The following FAM162A variants were observed in gnomAD, a reference collection of about 807,000 sequenced individuals.
FAM162A encodes the protein protein FAM162A.
FAM162A carries 23 observed loss-of-function variants against 21.8 expected under a neutral mutation model. The observed-to-expected ratio is 1.05, with a 90% confidence interval of 0.76 to 1.49. FAM162A has a LOEUF of 1.49. FAM162A is among the 40% of genes most tolerant of loss of function. FAM162A has a pLI of 0.00. For missense variants in FAM162A, 165 were observed against 186.4 expected, an observed-to-expected ratio of 0.89 and a Z score of 0.67; for synonymous variants, 53 against 61.3, an observed-to-expected ratio of 0.86 and a Z score of 0.64.
At chr3:122,393,820 A>G (rs2107696886) in intron 1 of FAM162A, among the ~76,000 whole-genome samples, 1 of 152,252 alleles carries the variant, frequency 6.6e-6, no homozygotes, top group South Asian at 2.1e-4. Flanking sequence ...GGTTGGACAC[A>G]TTTTCCAGGA....
At chr3:122,389,165 A>G (rs1169234105) in intron 1 of FAM162A, among the ~76,000 whole-genome samples, 2 of 152,172 alleles carry the variant, frequency 1.3e-5, no homozygotes, top group Admixed American at 1.3e-4. Flanking sequence ...TGGGTGGTGA[A>G]GTGAAGTAGT....
chr3:122,406,330 T>G (rs1373714086), intron 3 of FAM162A, among the ~76,000 whole-genome samples: 1 of 152,206 alleles, frequency 6.6e-6, no homozygotes, highest in East Asian at 1.9e-4. Context: ...CTCAGGAGGC[T>G]GAGGCAGGAG....
intron 4 of FAM162A, among the ~76,000 whole-genome samples, chr3:122,409,056 A>T (rs1279659006): frequency 6.8e-6 from 1 of 147,020 alleles, no homozygotes; most frequent in Non-Finnish European, 1.5e-5. Flanking sequence ...TTTACATATG[A>T]AATTACACAG....
chr3:122,389,135 CATT>C (rs535111476), intron 1 of FAM162A, among the ~76,000 whole-genome samples: 35 of 151,940 alleles, frequency 2.3e-4, no homozygotes, highest in African/African-American at 7.5e-4. Context: ...GAGAAGGAAA[CATT>C]GTAGCAAAAT....
At chr3:122,394,931 T>A (rs1415648925) in intron 1 of FAM162A, among the ~76,000 whole-genome samples, 1 of 152,102 alleles carries the variant, frequency 6.6e-6, no homozygotes, top group Non-Finnish European at 1.5e-5. Flanking sequence ...AATTATAGAC[T>A]GATCAAGTGG....
chr3:122,394,819 C>A (rs73188327), intron 1 of FAM162A, among the ~76,000 whole-genome samples: 4 of 151,768 alleles, frequency 2.6e-5, no homozygotes, highest in African/African-American at 9.7e-5. Flanking sequence ...CAAACCCCTC[C>A]CAAAAAAATC....
At chr3:122,387,742 C>A (rs1404605345) in intron 1 of FAM162A, among the ~76,000 whole-genome samples, 2 of 152,120 alleles carry the variant, frequency 1.3e-5, no homozygotes, top group Non-Finnish European at 2.9e-5. Context: ...TGTGAAGGCT[C>A]TAAAATGAAT....
At chr3:122,407,441 T>C in intron 4 of FAM162A, 52 bp downstream of exon 4, 1 of 1,409,492 alleles carries the variant, frequency 7.1e-7, no homozygotes, top group East Asian at 2.3e-5. Context: ...ACCAAGAACC[T>C]AGAGTAAATC....
chr3:122,407,794 G>A (rs1015977332), intron 4 of FAM162A: 2 of 217,132 alleles, frequency 9.2e-6, no homozygotes, highest in Non-Finnish European at 1.8e-5. Context: ...TCTTAGCGGG[G>A]TTCTTTATTT....
chr3:122,389,390 GATAGATAGATA>G (rs2075589300), intron 1 of FAM162A, among the ~76,000 whole-genome samples: 1 of 47,086 alleles, frequency 2.1e-5, no homozygotes, highest in African/African-American at 7.0e-5. Context: ...TGGATAGATA[GATAGATAGATA>G]GATAGATAGA....
At chr3:122,397,087 T>C (rs138597171) in intron 1 of FAM162A, among the ~76,000 whole-genome samples, 59 of 152,236 alleles carry the variant, frequency 3.9e-4, no homozygotes, top group African/African-American at 1.3e-3. Flanking sequence ...TAAAAGTGAG[T>C]TTTATGGTAG....
At chr3:122,408,602 T>G (rs1344273530) in intron 4 of FAM162A, among the ~76,000 whole-genome samples, 1 of 152,212 alleles carries the variant, frequency 6.6e-6, no homozygotes, top group Non-Finnish European at 1.5e-5. Context: ...GAAGTTCTCT[T>G]GAAAACTCTG....
At chr3:122,396,418 T>G (rs1460001227) in intron 1 of FAM162A, among the ~76,000 whole-genome samples, 1 of 152,100 alleles carries the variant, frequency 6.6e-6, no homozygotes, top group African/African-American at 2.4e-5. Flanking sequence ...TATTACTCAT[T>G]AGATAAATGT....
Position 122,410,019 on chromosome 3 carries a change from T to C in FAM162A, c.*188T>C. 1.6e-6 allele frequency: 1 copy of C among 639,474 alleles called. No individual in the cohort carries two copies. Among genetic ancestry groups the C allele is most frequent in the Non-Finnish European group, 2.8e-6 (1 of 353,782 alleles). 39.6% of individuals were successfully genotyped at this position (639,474 alleles called of 1,614,324 possible). A position where few individuals can be genotyped will look rare whatever the true frequency, so the allele number is the denominator to read the frequency against. On this transcript the variant is annotated 3_prime_UTR_variant, in exon 5 of 5. Transcript: ENST00000477892. ...AAATAATGACTGTGTTTTATTGTTT[T>C]GATCCAAGTCAAGTGTAGCCTCTCA...
chr3:122,408,431 C>G (rs554493597), intron 4 of FAM162A, among the ~76,000 whole-genome samples: 1 of 152,162 alleles, frequency 6.6e-6, no homozygotes, highest in African/African-American at 2.4e-5. Context: ...TAAAAAGGTC[C>G]TTCTATACAC....
intron 1 of FAM162A, among the ~76,000 whole-genome samples, chr3:122,386,946 TA>T (rs1300066121): frequency 6.6e-6 from 1 of 152,222 alleles, no homozygotes; most frequent in Admixed American, 6.5e-5. Context: ...TCATGCTCTT[TA>T]AGTTAAAAAG....
chr3:122,400,970 T>G (rs1037793216), intron 1 of FAM162A, among the ~76,000 whole-genome samples: 1 of 152,246 alleles, frequency 6.6e-6, no homozygotes, highest in Non-Finnish European at 1.5e-5. Flanking sequence ...ATCTTATATC[T>G]TAATATCTTA....
In FAM162A at chr3:122,400,654, G is replaced by A. The variant is rs868358142; in HGVS notation, c.35-2106G>A. On this transcript the variant is annotated intron_variant, in intron 1 of 4. Transcript: ENST00000477892. ...AGCCTGACCAACATGGAGAAACCCCGTCTATACTAAAAATACAAAAAAATT... is the reference window on the plus strand; with the variant it reads ...AGCCTGACCAACATGGAGAAACCCCATCTATACTAAAAATACAAAAAAATT... Among the ~76,000 whole-genome samples, 15 of 150,506 alleles carry A rather than the reference G, an allele frequency of 1.0e-4. No individual in the cohort carries two copies. In the Middle Eastern group the frequency reaches 0.017, roughly 171 times the overall value.
intron 1 of FAM162A, among the ~76,000 whole-genome samples, chr3:122,391,452 T>C (rs768460336): frequency 4.4e-4 from 67 of 152,246 alleles, no homozygotes; most frequent in Non-Finnish European, 7.8e-4. Context: ...TAAAAAAATA[T>C]ATTTACATTA....
Sources: gnomAD v4.1 joint callset for allele counts (sites outside exome capture counted in the v4.1 genomes callset) on GRCh38, gnomAD v4.1.1 for gene constraint, MANE v1.5 for transcripts, NCBI Gene and HGNC (gene_info 2026-07-23, HGNC 2026-07-21) for gene names.